Variants in CNOT4 observed in about 807,000 individuals in gnomAD.
CNOT4 encodes CCR4-associated factor 4.
In CNOT4, 8 loss-of-function variants were observed where a neutral mutation model predicts 73.8. The observed-to-expected ratio is 0.11, with a 90% confidence interval of 0.06 to 0.20. The LOEUF (loss-of-function observed/expected upper bound fraction) is 0.20, where lower values mean the gene tolerates loss of function less well. CNOT4 is among the 10% of genes least tolerant of loss of function. The pLI is 1.00. For missense variants in CNOT4, 564 were observed against 883.4 expected (o/e 0.64, Z 4.58); for synonymous variants, 293 against 321.1 (o/e 0.91, Z 0.94).
intron 1 of CNOT4, among the ~76,000 whole-genome samples, chr7:135,468,988 AG>A (rs1405853443): frequency 6.6e-6 from 1 of 152,178 alleles, no homozygotes; most frequent in Non-Finnish European, 1.5e-5. Flanking sequence ...AGACCACAGA[AG>A]GTTCTCAAGA....
chr7:135,433,301 A>T (rs908490821), intron 2 of CNOT4, among the ~76,000 whole-genome samples: 1 of 149,020 alleles, frequency 6.7e-6, no homozygotes. Flanking sequence ...TTAATTTTCA[A>T]TGACAATGGT....
chr7:135,455,808 C>G (rs1800490708), intron 1 of CNOT4, among the ~76,000 whole-genome samples: 1 of 152,128 alleles, frequency 6.6e-6, no homozygotes, highest in African/African-American at 2.4e-5. Flanking sequence ...GTGGAAGTTG[C>G]AGTGAGCCAA....
At chr7:135,455,645 C>T (rs527282155) in intron 1 of CNOT4, among the ~76,000 whole-genome samples, 3 of 151,912 alleles carry the variant, frequency 2.0e-5, no homozygotes, top group Admixed American at 1.3e-4. Flanking sequence ...GAGGCTGAGG[C>T]GGGCAGATTA....
intron 1 of CNOT4, among the ~76,000 whole-genome samples, chr7:135,496,803 G>A (rs1400585766): frequency 6.6e-6 from 1 of 151,792 alleles, no homozygotes; most frequent in Non-Finnish European, 1.5e-5. Flanking sequence ...TGAGTCCACT[G>A]TTCTCTCATT....
At chr7:135,433,546 T>C (rs111423798) in intron 2 of CNOT4, among the ~76,000 whole-genome samples, 3,012 of 151,594 alleles carry the variant, frequency 0.02, 107 homozygotes, top group African/African-American at 0.069. Flanking sequence ...TTATTAGAGA[T>C]GAGGCCTCGC....
chr7:135,428,569 T>A (rs1403407433), intron 2 of CNOT4, among the ~76,000 whole-genome samples: 1 of 151,840 alleles, frequency 6.6e-6, no homozygotes, highest in Non-Finnish European at 1.5e-5. Context: ...AAACCAATAG[T>A]TAAAAACTCA....
chr7:135,491,569 A>T (rs1803111241), intron 1 of CNOT4, among the ~76,000 whole-genome samples: 1 of 152,256 alleles, frequency 6.6e-6, no homozygotes, highest in South Asian at 2.1e-4. Flanking sequence ...CATTAACAAA[A>T]GCAATCTTAG....
chr7:135,425,375 G>C (rs1357937790), intron 2 of CNOT4, among the ~76,000 whole-genome samples: 2 of 152,154 alleles, frequency 1.3e-5, no homozygotes, highest in Admixed American at 1.3e-4. Context: ...AAAAAATTGA[G>C]GGAGAGTGAC....
chr7:135,472,617 T>C (rs1386393040), intron 1 of CNOT4, among the ~76,000 whole-genome samples: 2 of 133,752 alleles, frequency 1.5e-5, no homozygotes, highest in East Asian at 4.5e-4. Flanking sequence ...CCTTTCGAAT[T>C]GTCCCTAAGA....
chr7:135,486,795 C>T (rs961705519), intron 1 of CNOT4, among the ~76,000 whole-genome samples: 2 of 152,106 alleles, frequency 1.3e-5, no homozygotes, highest in Admixed American at 1.3e-4. Flanking sequence ...GAATAGTCTC[C>T]TGAGGCTGTG....
At chr7:135,399,322 C>G (rs951760149) in intron 7 of CNOT4, among the ~76,000 whole-genome samples, 3 of 152,046 alleles carry the variant, frequency 2.0e-5, no homozygotes, top group African/African-American at 7.2e-5. Flanking sequence ...GCCTAGTGCT[C>G]CTACGCTGCA....
chr7:135,473,952 A>C (rs1173142475), intron 1 of CNOT4, among the ~76,000 whole-genome samples: 2 of 151,512 alleles, frequency 1.3e-5, no homozygotes, highest in African/African-American at 2.4e-5. Flanking sequence ...AAGTTATCTT[A>C]ATTTTTTAAC....
intron 1 of CNOT4, among the ~76,000 whole-genome samples, chr7:135,468,787 T>A (rs998566630): frequency 5.9e-5 from 9 of 152,136 alleles, no homozygotes; most frequent in African/African-American, 2.2e-4. Flanking sequence ...CAAATTAGCA[T>A]GTAGTTCACT....
rs780070085 is a variant in CNOT4, at chr7:135,388,890, T to G, written c.1627+5028A>C. On this transcript the variant is annotated intron_variant, in intron 10 of 11. Transcript: ENST00000541284. ...GCATGGTCGAAACCTTCACCTCTTC[T>G]TCCCCTGTGGAAAAGTCAGTCATGG... 4 of 1,612,492 alleles carry G rather than the reference T, an allele frequency of 2.5e-6. No individual in the cohort carries two copies. The African/African-American group carries it at 5.3e-5, about 22-fold the overall frequency.
chr7:135,483,126 G>A (rs2129487341), intron 1 of CNOT4, among the ~76,000 whole-genome samples: 1 of 151,300 alleles, frequency 6.6e-6, no homozygotes. Context: ...CTTGAGCCCT[G>A]GCATTTGAGA....
chr7:135,450,365 C>G (rs1413215607), intron 1 of CNOT4, among the ~76,000 whole-genome samples: 1 of 152,106 alleles, frequency 6.6e-6, no homozygotes, highest in African/African-American at 2.4e-5. Context: ...GTCACCCAGG[C>G]TGGAGTGCAG....
chr7:135,408,151 T>TG (rs1248471610), intron 7 of CNOT4, among the ~76,000 whole-genome samples: 5 of 152,192 alleles, frequency 3.3e-5, no homozygotes, highest in African/African-American at 1.2e-4. Context: ...CAATCAAAGC[T>TG]ATAACCATTT....
intron 1 of CNOT4, among the ~76,000 whole-genome samples, chr7:135,466,446 C>T (rs1458856120): frequency 6.7e-6 from 1 of 150,322 alleles, no homozygotes; most frequent in Non-Finnish European, 1.5e-5. Flanking sequence ...TGCACTCCAT[C>T]CAGCCTGGGC....
In CNOT4 at chr7:135,414,262, T is replaced by G; in HGVS notation, c.561+69A>C. ...AATTTAATATATAAATGCTCAGTTC[T>G]CCTCTACTTACTATATTTTATCTCG... On this transcript the variant is annotated intron_variant, in intron 5 of 11. Coordinates refer to ENST00000541284, the MANE Select transcript of CNOT4 (RefSeq NM_001190850.2). The G allele has an allele frequency of 1.2e-5, 8 of 673,798 alleles. No homozygotes were observed. In the South Asian group the frequency reaches 1.5e-4, roughly 13 times the overall value. The allele number at this position is 673,798 out of a possible 1,614,324, so 41.7% of individuals were successfully genotyped here.
Sources: allele counts gnomAD v4.1 joint callset (sites outside exome capture counted in the v4.1 genomes callset), GRCh38; gene constraint gnomAD v4.1.1; transcripts MANE v1.5; gene names NCBI Gene and HGNC (gene_info 2026-07-23, HGNC 2026-07-21).